The following SLC22A23 variants were observed in gnomAD, a reference collection of about 807,000 sequenced individuals.
SLC22A23 encodes ion transporter protein.
In SLC22A23, 26 loss-of-function variants were observed where a neutral mutation model predicts 61.0. That is an observed-to-expected ratio of 0.43 (90% CI 0.31 to 0.59). The LOEUF (loss-of-function observed/expected upper bound fraction) is 0.59, where lower values mean the gene tolerates loss of function less well. Among genes scored for constraint, SLC22A23 ranks in the 20% least tolerant of loss-of-function variants. The pLI, the probability that SLC22A23 is intolerant of heterozygous loss-of-function variation, is 0.11. For synonymous variants in SLC22A23, 430 were observed against 413.9 expected (o/e 1.04, Z -0.47); for missense variants, 796 against 934.7 (o/e 0.85, Z 1.94).
At chr6:3,288,977 T>G (rs1257443620) in intron 6 of SLC22A23, among the ~76,000 whole-genome samples, 2 of 152,262 alleles carry the variant, frequency 1.3e-5, no homozygotes, top group East Asian at 3.8e-4. Flanking sequence ...GCTTGGCCCC[T>G]CGCCCTCACC....
chr6:3,393,682 C>T (rs1309568761), intron 3 of SLC22A23, among the ~76,000 whole-genome samples: 8 of 152,230 alleles, frequency 5.3e-5, no homozygotes, highest in African/African-American at 1.4e-4. Context: ...CATTGCTCCA[C>T]GCCTTTGTCC....
chr6:3,448,106 T>A (rs1204672577), intron 1 of SLC22A23, among the ~76,000 whole-genome samples: 1 of 151,640 alleles, frequency 6.6e-6, no homozygotes, highest in Non-Finnish European at 1.5e-5. Context: ...TTTCACCATG[T>A]CGGTCAGGCT....
intron 3 of SLC22A23, among the ~76,000 whole-genome samples, chr6:3,365,008 A>G (rs912158271): frequency 1.3e-5 from 2 of 152,230 alleles, no homozygotes; most frequent in African/African-American, 4.8e-5. Context: ...TGTCTGCTGT[A>G]TAGTTTATTA....
intron 5 of SLC22A23, among the ~76,000 whole-genome samples, chr6:3,294,489 C>T (rs1044611270): frequency 6.6e-6 from 1 of 152,148 alleles, no homozygotes; most frequent in Non-Finnish European, 1.5e-5. Context: ...CATCCAATCC[C>T]CAAAACACTT....
rs924129312 is a variant in SLC22A23 at position 3,333,046 on chromosome 6, G to A, written c.914-9044C>T. Among the ~76,000 whole-genome samples the A allele has an allele frequency of 1.3e-5, 2 of 152,104 alleles. No individual in the cohort carries two copies. The highest frequency in any genetic ancestry group is 2.9e-5 in the Non-Finnish European group (2 of 68,014). ...TGCCTGTGCGTCACGGTGCTGCCCC[G>A]CAGGAGGTCACCTACTGGGAATGAC... is the stretch of plus-strand genomic sequence containing the variant. On this transcript the variant is annotated intron_variant, in intron 3 of 9. Coordinates refer to ENST00000406686, the MANE Select transcript of SLC22A23 (RefSeq NM_015482.2). This position sits in a 1 kb window ranked among gnomAD's most constrained non-coding sequence, Gnocchi z 4.1.
chr6:3,310,429 C>CGG (rs1762310104), intron 4 of SLC22A23, among the ~76,000 whole-genome samples: 32 of 140,886 alleles, frequency 2.3e-4, no homozygotes, highest in Middle Eastern at 3.9e-3. Context: ...GTCTCCCACT[C>CGG]GAGCACCCTG....
At chr6:3,374,896 G>C (rs933958537) in intron 3 of SLC22A23, among the ~76,000 whole-genome samples, 3 of 152,134 alleles carry the variant, frequency 2.0e-5, no homozygotes, top group Non-Finnish European at 4.4e-5. Context: ...GATTCTAATA[G>C]ACTCAGGTTA....
chr6:3,385,082 G>C (rs949959470), intron 3 of SLC22A23, among the ~76,000 whole-genome samples: 1 of 152,220 alleles, frequency 6.6e-6, no homozygotes, highest in African/African-American at 2.4e-5. Flanking sequence ...GGGCTGGGGA[G>C]AGGAGGGAGA....
chr6:3,444,460 C>T (rs759498228), intron 1 of SLC22A23, among the ~76,000 whole-genome samples: 10 of 152,222 alleles, frequency 6.6e-5, no homozygotes, highest in African/African-American at 7.2e-5. Context: ...ACCAACAACT[C>T]GTCTCTCAAA....
At chr6:3,353,713 C>A (rs1764910822) in intron 3 of SLC22A23, among the ~76,000 whole-genome samples, 1 of 152,300 alleles carries the variant, frequency 6.6e-6, no homozygotes, top group East Asian at 1.9e-4. Flanking sequence ...CTGCCCTGTG[C>A]ACTGCCACCC....
Position 3,286,925 on chromosome 6 carries a change from C to T in SLC22A23, c.1480G>A (p.Gly494Arg). 6.2e-7 allele frequency: 1 copy of T among 1,613,776 alleles called. No homozygotes were observed. Among genetic ancestry groups the T allele is most frequent in the South Asian group, 1.1e-5 (1 of 91,038 alleles). ...AGGATCATGAAGAGCAGCAGCCCTC[C>T]CCTGCGCCCGAGGAATCGGACCACC... is the stretch of plus-strand genomic sequence containing the variant. ...CVVVRFLGRR[G>R]GLLLFMILTA... is the part of the protein sequence containing the mutation. Residue 494 changes from glycine to arginine, a missense_variant, in exon 7 of 10, where the codon GGA becomes AGA. Coordinates refer to ENST00000406686, the MANE Select transcript of SLC22A23 (RefSeq NM_015482.2). This position sits in a 1 kb window ranked among gnomAD's most constrained non-coding sequence, Gnocchi z 4.2.
chr6:3,340,153 G>A (rs1046385337), intron 3 of SLC22A23, among the ~76,000 whole-genome samples: 1 of 152,184 alleles, frequency 6.6e-6, no homozygotes, highest in Admixed American at 6.5e-5. Flanking sequence ...AGAAGGGAAT[G>A]GTAAGGGCAG....
intron 9 of SLC22A23, among the ~76,000 whole-genome samples, chr6:3,280,083 T>TAAGCAAATATTTGTACC (rs1228052010): frequency 1.3e-5 from 2 of 152,214 alleles, no homozygotes; most frequent in Non-Finnish European, 2.9e-5. Flanking sequence ...AAGTTGAGGA[T>TAAGCAAATATTTGTACC]AAGCAAATAT....
At chr6:3,287,844 CA>C (rs1760189684) in intron 6 of SLC22A23, among the ~76,000 whole-genome samples, 1 of 152,052 alleles carries the variant, frequency 6.6e-6, no homozygotes, top group African/African-American at 2.4e-5. Context: ...CCACCATGCC[CA>C]GCTAATTTTT....
At chr6:3,361,010 G>A (rs1765403957) in intron 3 of SLC22A23, among the ~76,000 whole-genome samples, 1 of 152,044 alleles carries the variant, frequency 6.6e-6, no homozygotes, top group African/African-American at 2.4e-5. Flanking sequence ...CACAGAAGGT[G>A]TCCCACATTT....
rs1763133179 is a variant in SLC22A23 at position 3,324,078 on chromosome 6, A to AG, written c.914-77dup. On this transcript the variant is annotated intron_variant, in intron 3 of 9. Transcript: ENST00000406686. This position sits in a 1 kb window ranked among gnomAD's most constrained non-coding sequence, Gnocchi z 4.3. ...GAGAAGTCCTGGGTGCACCTGGGCC[A>AG]GTGCACTGCTTAACCCACCAACGAC... 2.0e-6 allele frequency: 3 copies of AG among 1,537,172 alleles called. No homozygotes were observed. The highest frequency in any genetic ancestry group is 3.5e-5 in the Admixed American group (2 of 57,548).
chr6:3,341,195 G>A (rs1034835734), intron 3 of SLC22A23, among the ~76,000 whole-genome samples: 2 of 152,184 alleles, frequency 1.3e-5, no homozygotes, highest in African/African-American at 2.4e-5. Context: ...GAGATTCATT[G>A]GAAAGAGGGT....
rs576903904 is a variant in SLC22A23, at chr6:3,328,111, T to A, written c.914-4109A>T. On this transcript the variant is annotated intron_variant, in intron 3 of 9. Coordinates refer to ENST00000406686, the MANE Select transcript of SLC22A23 (RefSeq NM_015482.2). The surrounding 1 kb of genome is among the most constrained non-coding windows in gnomAD (Gnocchi z 5.0). ...AACCAACCAAACAAACAACCGTTACTTTTCCCCTAACACCTTAATGAAGAA... is the reference window on the plus strand; with the variant it reads ...AACCAACCAAACAAACAACCGTTACATTTCCCCTAACACCTTAATGAAGAA... 5.4e-3 allele frequency among the ~76,000 whole-genome samples: 824 copies of A among 151,806 alleles called. 3 individuals carry two copies. The highest frequency in any genetic ancestry group is 0.017 in the African/African-American group (684 of 41,352).
chr6:3,304,762 T>G lies in SLC22A23; in HGVS notation c.1083-6544A>C, dbSNP rs1364377750. On this transcript the variant is annotated intron_variant, in intron 4 of 9. Coordinates refer to ENST00000406686, the MANE Select transcript of SLC22A23 (RefSeq NM_015482.2). The surrounding 1 kb of genome is among the most constrained non-coding windows in gnomAD (Gnocchi z 4.3). ...GGGCAGGCCCTGTATCCCCTCGTAC[T>G]GCTGGAGGTGTGTGGGGCAGGACCC... 6.6e-6 allele frequency among the ~76,000 whole-genome samples: 1 copy of G among 152,044 alleles called. No individual in the cohort carries two copies. The highest frequency in any genetic ancestry group is 2.4e-5 in the African/African-American group (1 of 41,420).
Sources: gnomAD v4.1 joint callset for allele counts (sites outside exome capture counted in the v4.1 genomes callset) on GRCh38, gnomAD v4.1.1 for gene constraint, Gnocchi (gnomAD v3.1) non-coding constraint, MANE v1.5 for transcripts, NCBI Gene and HGNC (gene_info 2026-07-23, HGNC 2026-07-21) for gene names.